The following FSCN1 variants were observed in gnomAD, a reference collection of about 807,000 sequenced individuals.
The protein encoded by FSCN1 is fascin.
FSCN1 carries 10 observed loss-of-function variants against 39.7 expected under a neutral mutation model. The ratio of observed to expected loss-of-function variants is 0.25; its 90% CI spans 0.16 to 0.43. The LOEUF is 0.43. FSCN1 is among the 20% of genes least tolerant of loss of function. The pLI is 1.00. For synonymous variants in FSCN1, 322 were observed against 320.0 expected, an observed-to-expected ratio of 1.01 and a Z score of -0.07; for missense variants, 525 against 723.8, an observed-to-expected ratio of 0.73 and a Z score of 3.15.
chr7:5,597,368 T>TA (rs1263217717), intron 1 of FSCN1, among the ~76,000 whole-genome samples: 1 of 151,264 alleles, frequency 6.6e-6, no homozygotes, highest in East Asian at 2.0e-4. Context: ...GACCCTGTCT[T>TA]AAAAAAATTT....
rs544998043 is a variant in FSCN1 at position 5,598,394 on chromosome 7, G to A, written c.832+4626G>A. ...AGCTCCCTTTCTTCTCTGGCTTGGG[G>A]GATGAGGTTAGTGTAAATTTCATGG... On this transcript the variant is annotated intron_variant, in intron 1 of 4. Coordinates refer to ENST00000382361, the MANE Select transcript of FSCN1 (RefSeq NM_003088.4). 6.6e-5 allele frequency among the ~76,000 whole-genome samples: 10 copies of A among 152,348 alleles called. No homozygotes were observed. The South Asian group carries it at 2.1e-3, about 32-fold the overall frequency.
At position 5,603,861 on chromosome 7, in the gene FSCN1, A is replaced by G. The variant is rs1485169452; in HGVS notation, c.1112-2A>G. The G allele has an allele frequency of 1.2e-6, 2 of 1,612,254 alleles. No individual in the cohort carries two copies. Among genetic ancestry groups the G allele is most frequent in the Non-Finnish European group, 1.7e-6 (2 of 1,179,042 alleles). On this transcript the variant is annotated splice_acceptor_variant, in intron 3 of 4. Coordinates refer to ENST00000382361, the MANE Select transcript of FSCN1 (RefSeq NM_003088.4). LOFTEE classifies it high-confidence loss of function. The surrounding 1 kb of genome is among the most constrained non-coding windows in gnomAD (Gnocchi z 8.5). ...TCACTGACTCCCCTCTTTCTGGGACAGGGGACTCAGAGCTCTTCCTCATGA... is the reference window on the plus strand; with the variant it reads ...TCACTGACTCCCCTCTTTCTGGGACGGGGGACTCAGAGCTCTTCCTCATGA...
In FSCN1 at chr7:5,603,598, C is replaced by T. The variant is rs148787065; in HGVS notation, c.1092C>T (p.Ala364=). 2.4e-4 allele frequency: 394 copies of T among 1,614,100 alleles called. No individual in the cohort carries two copies. In the African/African-American group the frequency reaches 4.1e-3, roughly 17 times the overall value. ...FVTSKKNGQL[A]ASVETAGDSE... is the part of the protein sequence containing the mutation. ...CCTCCAAGAAGAATGGGCAGCTGGCCGCCTCGGTGGAGACAGCAGGTAACA... is the reference window on the plus strand; with the variant it reads ...CCTCCAAGAAGAATGGGCAGCTGGCTGCCTCGGTGGAGACAGCAGGTAACA... The change falls in exon 3 of 5, where the codon GCC becomes GCT. Residue 364 remains alanine, a synonymous_variant. Coordinates refer to ENST00000382361, the MANE Select transcript of FSCN1 (RefSeq NM_003088.4). The surrounding 1 kb of genome is among the most constrained non-coding windows in gnomAD (Gnocchi z 8.5).
Position 5,603,637 on chromosome 7 carries a change from TC to T in FSCN1, c.1111+23del. The T allele has an allele frequency of 6.2e-7, 1 of 1,613,772 alleles. No homozygotes were observed. Among genetic ancestry groups the T allele is most frequent in the Non-Finnish European group, 8.5e-7 (1 of 1,179,948 alleles). ...CAGCAGGTAACACTAAAGCCCCAGT[TC>T]CCTGGAGCCGTCCTGGAGTCCTGGA... On this transcript the variant is annotated intron_variant, in intron 3 of 4. Transcript: ENST00000382361. This position sits in a 1 kb window ranked among gnomAD's most constrained non-coding sequence, Gnocchi z 8.5.
intron 1 of FSCN1, among the ~76,000 whole-genome samples, chr7:5,594,303 C>T (rs985025825): frequency 1.3e-5 from 2 of 152,074 alleles, no homozygotes; most frequent in South Asian, 2.1e-4. Context: ...TCCACCTCCC[C>T]GTCTGCCCGG....
At position 5,605,130 on chromosome 7, in the gene FSCN1, C is replaced by A; in HGVS notation, c.1280-142C>A. The A allele has an allele frequency of 1.5e-6, 1 of 645,968 alleles. No individual in the cohort carries two copies. The highest frequency in any genetic ancestry group is 2.8e-6 in the Non-Finnish European group (1 of 358,298). The allele number at this position is 645,968 out of a possible 1,614,324, so 40.0% of individuals were successfully genotyped here. A position where few individuals can be genotyped will look rare whatever the true frequency, so the allele number is the denominator to read the frequency against. On this transcript the variant is annotated intron_variant, in intron 4 of 4. Transcript: ENST00000382361. The surrounding 1 kb of genome is among the most constrained non-coding windows in gnomAD (Gnocchi z 6.9). ...CATCATGGACAGGAGGACGTGCGGGCCATAGGGACCCTGGCTCATTCCGGA... is the reference window on the plus strand; with the variant it reads ...CATCATGGACAGGAGGACGTGCGGGACATAGGGACCCTGGCTCATTCCGGA...
rs1470237283 is a variant in FSCN1, at chr7:5,603,139, C to G, written c.833-118C>G. The G allele has an allele frequency of 2.5e-6, 3 of 1,197,390 alleles. No individual in the cohort carries two copies. Among genetic ancestry groups the G allele is most frequent in the Non-Finnish European group, 2.4e-6 (2 of 840,952 alleles). 74.2% of individuals were successfully genotyped at this position (1,197,390 alleles called of 1,614,324 possible). ...ATGTGTGCCACTGTGGGGACTCGGC[C>G]GCCCACCCCACCCCGTGGTGTTACC... On this transcript the variant is annotated intron_variant, in intron 1 of 4. Coordinates refer to ENST00000382361, the MANE Select transcript of FSCN1 (RefSeq NM_003088.4). The surrounding 1 kb of genome is among the most constrained non-coding windows in gnomAD (Gnocchi z 8.5).
chr7:5,605,126 CG>C lies in FSCN1; in HGVS notation c.1280-143del, dbSNP rs1785911030. ...TGTCCATCATGGACAGGAGGACGTG[CG>C]GGCCATAGGGACCCTGGCTCATTCC... On this transcript the variant is annotated intron_variant, in intron 4 of 4. Coordinates refer to ENST00000382361, the MANE Select transcript of FSCN1 (RefSeq NM_003088.4). The surrounding 1 kb of genome is among the most constrained non-coding windows in gnomAD (Gnocchi z 6.9). 3.2e-6 allele frequency: 2 copies of C among 634,702 alleles called. No homozygotes were observed. The highest frequency in any genetic ancestry group is 5.7e-6 in the Non-Finnish European group (2 of 351,564). The allele number at this position is 634,702 out of a possible 1,614,324, so 39.3% of individuals were successfully genotyped here.
chr7:5,597,393 C>A (rs1415212303), intron 1 of FSCN1, among the ~76,000 whole-genome samples: 1 of 149,806 alleles, frequency 6.7e-6, no homozygotes, highest in Non-Finnish European at 1.5e-5. Flanking sequence ...TGGCCTGGTG[C>A]GGTGGCTCAC....
rs979525649 is a variant in FSCN1, at chr7:5,603,786, C to G, written c.1112-77C>G. 1.3e-6 allele frequency: 2 copies of G among 1,515,590 alleles called. No homozygotes were observed. Among genetic ancestry groups the G allele is most frequent in the Admixed American group, 3.4e-5 (2 of 58,450 alleles). The allele number at this position is 1,515,590 out of a possible 1,614,324, so 93.9% of individuals were successfully genotyped here. A position where few individuals can be genotyped will look rare whatever the true frequency, so the allele number is the denominator to read the frequency against. On this transcript the variant is annotated intron_variant, in intron 3 of 4. Coordinates refer to ENST00000382361, the MANE Select transcript of FSCN1 (RefSeq NM_003088.4). The surrounding 1 kb of genome is among the most constrained non-coding windows in gnomAD (Gnocchi z 8.5). ...ACTGCTGTGTGACCCCAGCTCCTGGCCCTCCCTCTCTGGTCACCCCAGCCT... is the reference window on the plus strand; with the variant it reads ...ACTGCTGTGTGACCCCAGCTCCTGGGCCTCCCTCTCTGGTCACCCCAGCCT...
chr7:5,598,532 C>CTGCATTTG (rs1162727859), intron 1 of FSCN1, among the ~76,000 whole-genome samples: 6 of 152,218 alleles, frequency 3.9e-5, no homozygotes, highest in African/African-American at 1.4e-4. Flanking sequence ...TCCCGGCTTC[C>CTGCATTTG]TGCATTTGTT....
chr7:5,599,853 A>G lies in FSCN1; in HGVS notation c.833-3404A>G, dbSNP rs1314548943. Among the ~76,000 whole-genome samples the G allele has an allele frequency of 6.6e-6, 1 of 151,878 alleles. No homozygotes were observed. The highest frequency in any genetic ancestry group is 1.5e-5 in the Non-Finnish European group (1 of 67,958). ...GATGTGTCCTCTGGGTGTGGGCTCT[A>G]CCACCCACCAGCCTCCCTCTCCTGT... On this transcript the variant is annotated intron_variant, in intron 1 of 4. Coordinates refer to ENST00000382361, the MANE Select transcript of FSCN1 (RefSeq NM_003088.4). The surrounding 1 kb of genome is among the most constrained non-coding windows in gnomAD (Gnocchi z 5.6).
Position 5,603,704 on chromosome 7 carries a change from G to A in FSCN1, c.1111+87G>A, listed in dbSNP as rs1397959682. 4 of 1,581,014 alleles carry A rather than the reference G, an allele frequency of 2.5e-6. No homozygotes were observed. The highest frequency in any genetic ancestry group is 3.4e-5 in the Admixed American group (2 of 59,468). On this transcript the variant is annotated intron_variant, in intron 3 of 4. Transcript: ENST00000382361. The surrounding 1 kb of genome is among the most constrained non-coding windows in gnomAD (Gnocchi z 8.5). Reference sequence around the variant, plus strand: ...GTGGTCACTTGGTAGCCCCAGCCAAGGCCTGCTCTGTGCTGGGCATCCCCC... The same window carrying A: ...GTGGTCACTTGGTAGCCCCAGCCAAAGCCTGCTCTGTGCTGGGCATCCCCC...
rs1785657202 is a variant in FSCN1 at position 5,592,863 on chromosome 7, G to C, written c.-74G>C. 2 of 887,280 alleles carry C rather than the reference G, an allele frequency of 2.3e-6. No homozygotes were observed. The highest frequency in any genetic ancestry group is 1.7e-5 in the African/African-American group (1 of 58,106). The allele number at this position is 887,280 out of a possible 1,614,324, so 55.0% of individuals were successfully genotyped here. A position where few individuals can be genotyped will look rare whatever the true frequency, so the allele number is the denominator to read the frequency against. On this transcript the variant is annotated 5_prime_UTR_variant, in exon 1 of 5. Transcript: ENST00000382361. The surrounding 1 kb of genome is among the most constrained non-coding windows in gnomAD (Gnocchi z 5.3). ...TGCGGGCCGCGGCAGCCGAACAAAG[G>C]AGCAGGGGCGCCGCCGCAGGGACCC... is the stretch of plus-strand genomic sequence containing the variant.
Position 5,605,223 on chromosome 7 carries a change from G to C in FSCN1, c.1280-49G>C. 7.0e-7 allele frequency: 1 copy of C among 1,422,616 alleles called. No homozygotes were observed. The highest frequency in any genetic ancestry group is 9.9e-7 in the Non-Finnish European group (1 of 1,010,002). The allele number at this position is 1,422,616 out of a possible 1,614,324, so 88.1% of individuals were successfully genotyped here. On this transcript the variant is annotated intron_variant, in intron 4 of 4. Transcript: ENST00000382361. The surrounding 1 kb of genome is among the most constrained non-coding windows in gnomAD (Gnocchi z 6.9). ...GCCCACCCTCCGCTGCCCAGGGTAGGGGTGGGGAGCCAGGCTTTGGGCCCC... is the reference window on the plus strand; with the variant it reads ...GCCCACCCTCCGCTGCCCAGGGTAGCGGTGGGGAGCCAGGCTTTGGGCCCC...
intron 1 of FSCN1, among the ~76,000 whole-genome samples, chr7:5,600,379 A>C (rs1026100213): frequency 9.2e-5 from 14 of 151,810 alleles, no homozygotes; most frequent in Middle Eastern, 3.4e-3. Flanking sequence ...GTGCCATTGC[A>C]CTCCAGCCCG....
Position 5,603,564 on chromosome 7 carries a change from A to T in FSCN1, c.1058A>T (p.Lys353Met). ...RRITLRASNG[K>M]FVTSKKNGQL... is the part of the protein sequence containing the mutation. The stretch of plus-strand genomic sequence containing the variant: ...ATCACACTGAGGGCGTCCAATGGCA[A>T]GTTTGTGACCTCCAAGAAGAATGGG... The change falls in exon 3 of 5, where the codon AAG becomes ATG. Residue 353 changes from lysine to methionine, a missense_variant. Lys to Met is a moderately conservative substitution (Grantham distance 95, BLOSUM62 -1). This residue lies in a region of FSCN1 where 275 missense variants were observed against 351.9 expected (regional missense o/e 0.78). Transcript: ENST00000382361. This position sits in a 1 kb window ranked among gnomAD's most constrained non-coding sequence, Gnocchi z 8.5. 1 of 1,614,124 alleles carries T rather than the reference A, an allele frequency of 6.2e-7. No homozygotes were observed. The highest frequency in any genetic ancestry group is 1.1e-5 in the South Asian group (1 of 91,082).
intron 1 of FSCN1, among the ~76,000 whole-genome samples, chr7:5,597,616 G>T (rs542540177): frequency 6.6e-6 from 1 of 151,800 alleles, no homozygotes; most frequent in Non-Finnish European, 1.5e-5. Flanking sequence ...GCAGTGAGCC[G>T]AGATCGCACC....
rs1388676710 is a variant in FSCN1 at position 5,599,620 on chromosome 7, G to C, written c.833-3637G>C. ...TGAGTCCTGGAGTTTGGGCAACATA[G>C]CGAGACCACCCCCATCTCTACAAAA... is the stretch of plus-strand genomic sequence containing the variant. On this transcript the variant is annotated intron_variant, in intron 1 of 4. Transcript: ENST00000382361. This position sits in a 1 kb window ranked among gnomAD's most constrained non-coding sequence, Gnocchi z 5.6. 6.6e-6 allele frequency among the ~76,000 whole-genome samples: 1 copy of C among 151,964 alleles called. No homozygotes were observed. Among genetic ancestry groups the C allele is most frequent in the Non-Finnish European group, 1.5e-5 (1 of 67,956 alleles).
Sources: allele counts gnomAD v4.1 joint callset (sites outside exome capture counted in the v4.1 genomes callset), GRCh38; gene constraint gnomAD v4.1.1; regional missense constraint gnomAD v4.1.1; non-coding constraint Gnocchi (gnomAD v3.1); transcripts MANE v1.5; gene names NCBI Gene and HGNC (gene_info 2026-07-23, HGNC 2026-07-21).